Variants in ZC3H3 observed in about 807,000 individuals in gnomAD.
ZC3H3 encodes the protein zinc finger CCCH domain-containing protein 3.
Under a neutral mutation model 77.3 loss-of-function variants are expected in ZC3H3, and 36 were observed. That is an observed-to-expected ratio of 0.47 (90% CI 0.36 to 0.61). The LOEUF (loss-of-function observed/expected upper bound fraction) is 0.61. ZC3H3 is among the 20% of genes least tolerant of loss of function. The probability of loss-of-function intolerance (pLI) is 0.00; values close to 1 mark genes in which losing one functional copy is unlikely to be tolerated. For missense variants in ZC3H3, 1,331 were observed against 1,312.2 expected (o/e 1.01, Z -0.22); for synonymous variants, 626 against 555.2 (o/e 1.13, Z -1.79).
chr8:143,500,254 G>C (rs1821485916), intron 4 of ZC3H3, among the ~76,000 whole-genome samples: 1 of 152,242 alleles, frequency 6.6e-6, no homozygotes, highest in African/African-American at 2.4e-5. Flanking sequence ...ACAGTGGGCA[G>C]AGCCTGCCTG....
At chr8:143,513,875 A>C (rs1392316162) in intron 3 of ZC3H3, among the ~76,000 whole-genome samples, 1 of 152,164 alleles carries the variant, frequency 6.6e-6, no homozygotes, top group African/African-American at 2.4e-5. Flanking sequence ...GTGGGGGTGG[A>C]CAGGGTGGCC....
intron 3 of ZC3H3, among the ~76,000 whole-genome samples, chr8:143,532,138 CAG>C (rs1822631763): frequency 6.6e-6 from 1 of 152,266 alleles, no homozygotes; most frequent in Non-Finnish European, 1.5e-5. Flanking sequence ...TTGAAATGAA[CAG>C]GGGAGTTTCG....
chr8:143,519,289 T>C (rs988557783), intron 3 of ZC3H3, among the ~76,000 whole-genome samples: 1 of 152,070 alleles, frequency 6.6e-6, no homozygotes, highest in African/African-American at 2.4e-5. Context: ...TCCTGGCCAA[T>C]GCCCTGGGGC....
chr8:143,507,706 A>C, intron 4 of ZC3H3, 40 bp downstream of exon 4: 1 of 1,507,284 alleles, frequency 6.6e-7, no homozygotes, highest in Non-Finnish European at 8.8e-7. Flanking sequence ...CAGACAGCCC[A>C]GTTCCCAGGC....
At chr8:143,540,707 G>A (rs944755138) in intron 1 of ZC3H3, among the ~76,000 whole-genome samples, 16 of 151,772 alleles carry the variant, frequency 1.1e-4, no homozygotes, top group African/African-American at 3.6e-4. Flanking sequence ...TGTAATCCCA[G>A]CACTTTGGGA....
rs182838454 is a variant in ZC3H3 at position 143,450,435 on chromosome 8, C to T, written c.2308-9315G>A. ...GCCTCAAGTGATCCACCCACCTCGG[C>T]CTTCCAAAGTGCTAGGATTACAGGT... On this transcript the variant is annotated intron_variant, in intron 9 of 11. Transcript: ENST00000262577. Among the ~76,000 whole-genome samples the T allele has an allele frequency of 1.4e-3, 215 of 152,332 alleles. 2 individuals are homozygous for T. Among genetic ancestry groups the T allele is most frequent in the Non-Finnish European group, 1.7e-3 (114 of 68,038 alleles).
At chr8:143,473,390 TACACCTGTGG>T (rs1158065065) in intron 5 of ZC3H3, among the ~76,000 whole-genome samples, 1 of 152,166 alleles carries the variant, frequency 6.6e-6, no homozygotes, top group Non-Finnish European at 1.5e-5. Context: ...TCTGCGTATT[TACACCTGTGG>T]GCCCCAGGAA....
At chr8:143,482,183 T>C (rs1057200009) in intron 4 of ZC3H3, among the ~76,000 whole-genome samples, 10 of 152,168 alleles carry the variant, frequency 6.6e-5, no homozygotes, top group African/African-American at 2.4e-4. Flanking sequence ...GAAGTTCTGG[T>C]TTCTGGAAAG....
At chr8:143,474,688 TCTGCAATCCCAACACCAC>T (rs1445449150) in intron 5 of ZC3H3, among the ~76,000 whole-genome samples, 2 of 152,202 alleles carry the variant, frequency 1.3e-5, no homozygotes, top group African/African-American at 4.8e-5. Context: ...TGGCCCAGCC[TCTGCAATCCCAACACCAC>T]CTGCAATCTC....
rs2382954 is a variant in ZC3H3 at position 143,530,914 on chromosome 8, A to G, written c.1561+5343T>C. Among the ~76,000 whole-genome samples, 26,045 of 148,076 alleles carry G rather than the reference A, an allele frequency of 0.18. 2,479 individuals are homozygous for G. Among genetic ancestry groups the G allele is most frequent in the African/African-American group, 0.24 (9,575 of 39,950 alleles). Reference sequence around the variant, plus strand: ...GTCTCTACTGCAGCCTCCAGCAAACATTACTCGCCCAGGCCACCCTTCTGG... The same window carrying G: ...GTCTCTACTGCAGCCTCCAGCAAACGTTACTCGCCCAGGCCACCCTTCTGG... On this transcript the variant is annotated intron_variant, in intron 3 of 11. Coordinates refer to ENST00000262577, the MANE Select transcript of ZC3H3 (RefSeq NM_015117.3). This position sits in a 1 kb window ranked among gnomAD's most constrained non-coding sequence, Gnocchi z 4.3.
In ZC3H3 at chr8:143,440,165, G is replaced by A. The variant is rs745358852; in HGVS notation, c.2691C>T (p.Ala897=). The A allele has an allele frequency of 6.2e-7, 1 of 1,611,992 alleles. No homozygotes were observed. The highest frequency in any genetic ancestry group is 8.5e-7 in the Non-Finnish European group (1 of 1,179,738). Residue 897 remains alanine, a synonymous_variant, in exon 11 of 12, where the codon GCC becomes GCT. Coordinates refer to ENST00000262577, the MANE Select transcript of ZC3H3 (RefSeq NM_015117.3). Reference sequence around the variant, plus strand: ...GCCTGTTGGAGCACGCTGCTGCTAAGGCAGCCTCCTGGAGAGATGGTGCCT... The same window carrying A: ...GCCTGTTGGAGCACGCTGCTGCTAAAGCAGCCTCCTGGAGAGATGGTGCCT... ...DHEAPSLQEA[A]LAAACSNRLC...
At chr8:143,472,525 A>ACTCC (rs986046847) in intron 5 of ZC3H3, among the ~76,000 whole-genome samples, 19 of 151,386 alleles carry the variant, frequency 1.3e-4, no homozygotes, top group African/African-American at 4.4e-4. Flanking sequence ...AGGGCTATGC[A>ACTCC]CTCCCTCCTC....
Position 143,485,846 on chromosome 8 carries a change from T to A in ZC3H3, c.1716-10261A>T, listed in dbSNP as rs1821037324. 1.3e-5 allele frequency among the ~76,000 whole-genome samples: 2 copies of A among 151,044 alleles called. 1 individual carries two copies. The highest frequency in any genetic ancestry group is 4.2e-4 in the South Asian group (2 of 4,766). On this transcript the variant is annotated intron_variant, in intron 4 of 11. Transcript: ENST00000262577. Reference sequence around the variant, plus strand: ...GAAGGGCACCACCAGGAGACCTGAGTGAAGAAAAAGATGCCCAGCAATGCC... The same window carrying A: ...GAAGGGCACCACCAGGAGACCTGAGAGAAGAAAAAGATGCCCAGCAATGCC...
chr8:143,438,974 G>A (rs1563828864), intron 11 of ZC3H3, among the ~76,000 whole-genome samples: 1 of 152,174 alleles, frequency 6.6e-6, no homozygotes, highest in African/African-American at 2.4e-5. Flanking sequence ...CCACCTGCCC[G>A]AGCTCCTGGC....
intron 4 of ZC3H3, among the ~76,000 whole-genome samples, chr8:143,475,885 G>A (rs956620612): frequency 1.3e-5 from 2 of 152,188 alleles, no homozygotes; most frequent in South Asian, 2.1e-4. Context: ...GAACTCATGC[G>A]CCCCTAGAAG....
At chr8:143,516,548 CACACACACACACACACACAT>C (rs1212318560) in intron 3 of ZC3H3, among the ~76,000 whole-genome samples, 2,322 of 144,110 alleles carry the variant, frequency 0.016, 56 homozygotes, top group African/African-American at 0.053. Context: ...CACACACACA[CACACACACACACACACACAT>C]ACACACACAC....
At chr8:143,463,773 C>T (rs917392416) in intron 9 of ZC3H3, among the ~76,000 whole-genome samples, 8 of 152,318 alleles carry the variant, frequency 5.3e-5, no homozygotes, top group Non-Finnish European at 7.3e-5. Flanking sequence ...GTGGCAGACC[C>T]CGCAGGTGTG....
chr8:143,441,386 G>A (rs539264690), intron 9 of ZC3H3, among the ~76,000 whole-genome samples: 20 of 152,280 alleles, frequency 1.3e-4, no homozygotes, highest in South Asian at 6.2e-4. Flanking sequence ...CTGGGCCAGC[G>A]TGGGGACTCC....
At chr8:143,469,691 G>A (rs1306966105) in intron 5 of ZC3H3, among the ~76,000 whole-genome samples, 2 of 152,186 alleles carry the variant, frequency 1.3e-5, no homozygotes, top group East Asian at 3.9e-4. Context: ...GGCGGGGAGG[G>A]GGTGCCATCT....
Sources: gnomAD v4.1 joint callset for allele counts (sites outside exome capture counted in the v4.1 genomes callset) on GRCh38, gnomAD v4.1.1 for gene constraint, Gnocchi (gnomAD v3.1) non-coding constraint, MANE v1.5 for transcripts, NCBI Gene and HGNC (gene_info 2026-07-23, HGNC 2026-07-21) for gene names.